The following TSHR variants were observed in gnomAD, a reference collection of about 807,000 sequenced individuals.
TSHR encodes thyroid stimulating hormone receptor, also known as thyrotropin receptor.
In TSHR, 51 loss-of-function variants were observed where a neutral mutation model predicts 64.1. That is an observed-to-expected ratio of 0.80 (90% confidence interval 0.64 to 1.01). The LOEUF (loss-of-function observed/expected upper bound fraction) is 1.01. Among genes scored for constraint, TSHR ranks in the 50% least tolerant of loss-of-function variants. The probability of loss-of-function intolerance (pLI) is 0.00; values close to 1 mark genes in which losing one functional copy is unlikely to be tolerated. For missense variants in TSHR, 877 were observed against 942.8 expected (o/e 0.93, Z 0.91); for synonymous variants, 361 against 361.9 (o/e 1.00, Z 0.03).
At chr14:81,121,280 G>A (rs1443859218) in intron 8 of TSHR, among the ~76,000 whole-genome samples, 1 of 152,156 alleles carries the variant, frequency 6.6e-6, no homozygotes, top group East Asian at 1.9e-4. Flanking sequence ...CATGTGGCCT[G>A]TGCAGGTGGG....
At chr14:80,984,824 G>A (rs1406767479) in intron 1 of TSHR, among the ~76,000 whole-genome samples, 4 of 152,216 alleles carry the variant, frequency 2.6e-5, no homozygotes, top group African/African-American at 4.8e-5. Flanking sequence ...CAGTGAGTAA[G>A]ATGGAGATTT....
intron 1 of TSHR, among the ~76,000 whole-genome samples, chr14:81,043,992 A>G (rs768686631): frequency 2.1e-4 from 32 of 152,316 alleles, no homozygotes; most frequent in Middle Eastern, 6.8e-3. Flanking sequence ...CCTAGAAGAA[A>G]ATCTAGGCAA....
At chr14:81,036,759 C>G (rs940337764) in intron 1 of TSHR, among the ~76,000 whole-genome samples, 11 of 152,042 alleles carry the variant, frequency 7.2e-5, no homozygotes. Flanking sequence ...GATTAAAAGT[C>G]AAAATGGTCA....
At position 80,993,621 on chromosome 14, in the gene TSHR, G is replaced by A. The variant is rs150874448; in HGVS notation, c.170+37771G>A. The A allele has an allele frequency of 1.7e-4, 26 of 151,972 alleles. 2 individuals carry two copies. In the East Asian group the frequency reaches 4.8e-3, roughly 28 times the overall value. 9.4% of individuals were successfully genotyped at this position (151,972 alleles called of 1,614,324 possible). ...TGTTTATAAAACAAAAATAATGTAAGGGCAAAAATATGAGATAAAGAAAAA... is the reference window on the plus strand; with the variant it reads ...TGTTTATAAAACAAAAATAATGTAAAGGCAAAAATATGAGATAAAGAAAAA... On this transcript the variant is annotated intron_variant, in intron 1 of 9. Transcript: ENST00000298171.
chr14:80,964,008 G>C (rs1331020774), intron 1 of TSHR, among the ~76,000 whole-genome samples: 1 of 152,214 alleles, frequency 6.6e-6, no homozygotes, highest in Non-Finnish European at 1.5e-5. Context: ...ATGAAGTCCA[G>C]AGGCCCGTGG....
At chr14:81,036,715 G>T (rs1434000958) in intron 1 of TSHR, among the ~76,000 whole-genome samples, 1 of 152,144 alleles carries the variant, frequency 6.6e-6, no homozygotes, top group African/African-American at 2.4e-5. Context: ...TTACTGTAGT[G>T]GTGGTATATA....
intron 1 of TSHR, among the ~76,000 whole-genome samples, chr14:80,991,073 A>G (rs1313803597): frequency 6.6e-6 from 1 of 152,270 alleles, no homozygotes. Flanking sequence ...GTGCAAATCC[A>G]TATGTGACTT....
intron 1 of TSHR, among the ~76,000 whole-genome samples, chr14:80,978,507 C>T (rs565248328): frequency 6.6e-6 from 1 of 152,308 alleles, no homozygotes; most frequent in South Asian, 2.1e-4. Context: ...AAAATCTTGG[C>T]CAAACCAATG....
At chr14:81,104,307 C>T in intron 7 of TSHR, 1 of 985,378 alleles carries the variant, frequency 1.0e-6, no homozygotes, top group Non-Finnish European at 1.2e-6. Flanking sequence ...AAACATGGTT[C>T]CCCACAGAAG....
intron 1 of TSHR, among the ~76,000 whole-genome samples, chr14:80,968,303 C>T (rs1459650791): frequency 1.3e-5 from 2 of 151,992 alleles, no homozygotes; most frequent in South Asian, 2.1e-4. Flanking sequence ...CTCAGACCTG[C>T]CCAAGCTTTT....
intron 1 of TSHR, among the ~76,000 whole-genome samples, chr14:80,967,156 G>GA (rs911220592): frequency 6.0e-5 from 8 of 133,334 alleles, no homozygotes; most frequent in Non-Finnish European, 9.5e-5. Context: ...ATCTGGAGGA[G>GA]AAAAAAAAAT....
chr14:81,001,627 C>T (rs1566757195), intron 1 of TSHR: 1 of 522,034 alleles, frequency 1.9e-6, no homozygotes, highest in Non-Finnish European at 3.8e-6. Context: ...CAGAATGGTA[C>T]ACACTGTTTC....
chr14:80,962,205 G>A (rs1887072449), intron 1 of TSHR, among the ~76,000 whole-genome samples: 1 of 152,108 alleles, frequency 6.6e-6, no homozygotes, highest in South Asian at 2.1e-4. Flanking sequence ...TTCAAAGAAA[G>A]GAAAAATTGT....
chr14:81,134,478 C>G (rs1426329438), intron 8 of TSHR, among the ~76,000 whole-genome samples: 3 of 130,494 alleles, frequency 2.3e-5, no homozygotes, highest in Admixed American at 7.4e-5. Flanking sequence ...AGAAAGTGCT[C>G]TTAAAAAATC....
rs139352934 is a variant in TSHR at position 81,143,884 on chromosome 14, G to A, written c.1826G>A (p.Arg609Gln). 4.3e-5 allele frequency: 70 copies of A among 1,613,952 alleles called. No homozygotes were observed. Among genetic ancestry groups the A allele is most frequent in the Non-Finnish European group, 4.9e-5 (58 of 1,180,026 alleles). ...CCYVKIYITV[R>Q]NPQYNPGDKD... ...TATGTGAAGATCTACATCACAGTCC[G>A]AAATCCGCAGTACAACCCAGGGGAC... is the stretch of plus-strand genomic sequence containing the variant. Residue 609 changes from arginine (R) to glutamine (Q), a missense_variant, in exon 10 of 10, where the codon CGA becomes CAA. Coordinates refer to ENST00000298171, the MANE Select transcript of TSHR (RefSeq NM_000369.5).
At position 81,084,067 on chromosome 14, in the gene TSHR, A is replaced by G. The variant is rs1024076696; in HGVS notation, c.318-3887A>G. ...TGGATTACAATTCAAGATGAGATTT[A>G]GGTCCCTCTCCCAACACATGGAGAT... is the stretch of plus-strand genomic sequence containing the variant. On this transcript the variant is annotated intron_variant, in intron 3 of 9. Transcript: ENST00000298171. Among the ~76,000 whole-genome samples, 3 of 152,194 alleles carry G rather than the reference A, an allele frequency of 2.0e-5. No homozygotes were observed. In the East Asian group the frequency reaches 5.8e-4, roughly 29 times the overall value.
intron 2 of TSHR, among the ~76,000 whole-genome samples, chr14:81,062,790 G>A (rs573781933): frequency 3.3e-5 from 5 of 152,210 alleles, no homozygotes; most frequent in African/African-American, 1.2e-4. Context: ...AAATGAAGCA[G>A]GTCTTTATTT....
At chr14:81,126,893 C>T (rs949387417) in intron 8 of TSHR, among the ~76,000 whole-genome samples, 5 of 152,222 alleles carry the variant, frequency 3.3e-5, no homozygotes, top group Admixed American at 6.5e-5. Flanking sequence ...AAGATTCTGA[C>T]TTCTCCACAC....
At position 81,145,275 on chromosome 14, in the gene TSHR, C is replaced by A; in HGVS notation, c.*922C>A. ...AAAACTCTAGTACATCCCTTTCCCT[C>A]AAATATATATTTCTAAGATAAAGAG... On this transcript the variant is annotated 3_prime_UTR_variant, in exon 10 of 10. Coordinates refer to ENST00000298171, the MANE Select transcript of TSHR (RefSeq NM_000369.5). 4.3e-6 allele frequency: 1 copy of A among 233,058 alleles called. No individual in the cohort carries two copies. Among genetic ancestry groups the A allele is most frequent in the Non-Finnish European group, 8.5e-6 (1 of 117,956 alleles). 14.4% of individuals were successfully genotyped at this position (233,058 alleles called of 1,614,324 possible). A position where few individuals can be genotyped will look rare whatever the true frequency, so the allele number is the denominator to read the frequency against.
Sources: gnomAD v4.1 joint callset for allele counts (sites outside exome capture counted in the v4.1 genomes callset) on GRCh38, gnomAD v4.1.1 for gene constraint, MANE v1.5 for transcripts, NCBI Gene and HGNC (gene_info 2026-07-23, HGNC 2026-07-21) for gene names.